The following PAPPA2 variants were observed in gnomAD, a reference collection of about 807,000 sequenced individuals.
The protein encoded by PAPPA2 is pappalysin 2, also known as pappalysin-2.
In PAPPA2, 86 loss-of-function variants were observed where a neutral mutation model predicts 176.4. The ratio of observed to expected loss-of-function variants is 0.49; its 90% CI spans 0.41 to 0.58. The LOEUF is 0.58. Among genes scored for constraint, PAPPA2 ranks in the 20% least tolerant of loss-of-function variants. The pLI is 0.00. For synonymous variants in PAPPA2, 809 were observed against 852.2 expected (o/e 0.95, Z 0.88); for missense variants, 2,073 against 2,256.9 (o/e 0.92, Z 1.65).
intron 4 of PAPPA2, among the ~76,000 whole-genome samples, chr1:176,689,068 A>G (rs1280621495): frequency 6.6e-6 from 1 of 152,202 alleles, no homozygotes; most frequent in Non-Finnish European, 1.5e-5. Flanking sequence ...GCTGGGCAGC[A>G]CAGCCAGGGG....
At chr1:176,472,276 T>G (rs1250273258) in intron 1 of PAPPA2, among the ~76,000 whole-genome samples, 1 of 152,226 alleles carries the variant, frequency 6.6e-6, no homozygotes, top group Non-Finnish European at 1.5e-5. Flanking sequence ...CTAATTATTA[T>G]GAACTCGTGT....
At chr1:176,579,724 C>T (rs1445582938) in intron 2 of PAPPA2, among the ~76,000 whole-genome samples, 3 of 152,128 alleles carry the variant, frequency 2.0e-5, no homozygotes, top group Non-Finnish European at 2.9e-5. Flanking sequence ...GTCAAATAGA[C>T]TTGGTTTTGA....
At chr1:176,805,928 C>T (rs758662025) in intron 21 of PAPPA2, among the ~76,000 whole-genome samples, 37 of 134,226 alleles carry the variant, frequency 2.8e-4, no homozygotes, top group Non-Finnish European at 3.8e-4. Flanking sequence ...GTTTAGGTTA[C>T]GGTGAACTAT....
chr1:176,531,669 C>A (rs1302523770), intron 1 of PAPPA2, among the ~76,000 whole-genome samples: 1 of 152,114 alleles, frequency 6.6e-6, no homozygotes, highest in South Asian at 2.1e-4. Flanking sequence ...ATGCTGAGGT[C>A]ACTGTTGAAC....
intron 21 of PAPPA2, among the ~76,000 whole-genome samples, chr1:176,809,460 C>A (rs577710526): frequency 6.6e-5 from 10 of 152,170 alleles, no homozygotes; most frequent in Non-Finnish European, 1.0e-4. Flanking sequence ...TCCTTGGATT[C>A]TTTCTTCTCT....
intron 14 of PAPPA2, among the ~76,000 whole-genome samples, chr1:176,762,651 C>G (rs546806966): frequency 2.0e-5 from 3 of 152,232 alleles, no homozygotes; most frequent in African/African-American, 7.2e-5. Flanking sequence ...ACTAGGAGTT[C>G]TTTAGAATCA....
intron 1 of PAPPA2, among the ~76,000 whole-genome samples, chr1:176,505,410 T>C (rs1453291848): frequency 1.3e-5 from 2 of 152,012 alleles, no homozygotes; most frequent in Admixed American, 1.3e-4. Context: ...GAGACAACTG[T>C]TTTTTGGAGT....
chr1:176,642,764 T>C (rs1197242962), intron 3 of PAPPA2, among the ~76,000 whole-genome samples: 1 of 151,916 alleles, frequency 6.6e-6, no homozygotes, highest in Non-Finnish European at 1.5e-5. Context: ...GGAGAAAGGA[T>C]CACTGTCAAG....
chr1:176,631,096 A>T lies in PAPPA2; in HGVS notation c.1991+35501A>T, dbSNP rs201240948. ...GAAACTGGAAAAAAGCAGAGGTGGA[A>T]GAAAGCTGGGAGGCTATGTAGTCCC... On this transcript the variant is annotated intron_variant, in intron 3 of 22. Coordinates refer to ENST00000367662, the MANE Select transcript of PAPPA2 (RefSeq NM_020318.3). 1.1e-4 allele frequency among the ~76,000 whole-genome samples: 16 copies of T among 152,328 alleles called. No individual in the cohort carries two copies. In the East Asian group the frequency reaches 2.7e-3, roughly 26 times the overall value.
At chr1:176,702,879 G>A (rs1660727860) in intron 9 of PAPPA2, 144 bp downstream of exon 9, 1 of 1,148,252 alleles carries the variant, frequency 8.7e-7, no homozygotes, top group Non-Finnish European at 1.2e-6. Flanking sequence ...AATGTAGGGA[G>A]CAAGGCACCA....
At chr1:176,620,271 T>C (rs1655510687) in intron 3 of PAPPA2, among the ~76,000 whole-genome samples, 1 of 152,130 alleles carries the variant, frequency 6.6e-6, no homozygotes, top group South Asian at 2.1e-4. Flanking sequence ...GATTTCAATA[T>C]ATACATTTTT....
chr1:176,817,620 C>A (rs188204458), intron 21 of PAPPA2, among the ~76,000 whole-genome samples: 48 of 151,838 alleles, frequency 3.2e-4, no homozygotes, highest in African/African-American at 1.1e-3. Context: ...GAAAGCTTTT[C>A]TTTTAAGATA....
chr1:176,746,992 C>T (rs1431887708), intron 14 of PAPPA2, among the ~76,000 whole-genome samples: 1 of 152,130 alleles, frequency 6.6e-6, no homozygotes, highest in Non-Finnish European at 1.5e-5. Flanking sequence ...CATAATTTTT[C>T]AGCTGAGGAA....
At chr1:176,596,800 G>A (rs1187895469) in intron 3 of PAPPA2, among the ~76,000 whole-genome samples, 6 of 152,166 alleles carry the variant, frequency 3.9e-5, no homozygotes, top group Admixed American at 6.5e-5. Flanking sequence ...CTCATTTGAC[G>A]GCTGTTGCAG....
At chr1:176,781,428 C>T (rs1398282773) in intron 17 of PAPPA2, among the ~76,000 whole-genome samples, 2 of 103,342 alleles carry the variant, frequency 1.9e-5, no homozygotes, top group Non-Finnish European at 3.5e-5. Context: ...TCTAATATGT[C>T]TTGTTGGATA....
At chr1:176,653,331 A>G (rs1226710409) in intron 3 of PAPPA2, among the ~76,000 whole-genome samples, 1 of 151,678 alleles carries the variant, frequency 6.6e-6, no homozygotes, top group Non-Finnish European at 1.5e-5. Context: ...CACTGTAATG[A>G]CACCAACCCT....
chr1:176,616,685 C>T, intron 3 of PAPPA2: 2 of 1,528,226 alleles, frequency 1.3e-6, no homozygotes, highest in Non-Finnish European at 1.8e-6. Flanking sequence ...TCTTAAGCTC[C>T]TCTATAAATT....
At chr1:176,490,315 G>A (rs1234092647) in intron 1 of PAPPA2, among the ~76,000 whole-genome samples, 3 of 152,158 alleles carry the variant, frequency 2.0e-5, no homozygotes, top group African/African-American at 7.2e-5. Context: ...AACAAGAAGT[G>A]TCAATTCAAA....
chr1:176,747,870 G>A (rs1662980504), intron 14 of PAPPA2, among the ~76,000 whole-genome samples: 1 of 152,162 alleles, frequency 6.6e-6, no homozygotes, highest in African/African-American at 2.4e-5. Flanking sequence ...CCAAAAGACT[G>A]TCAGACTGAG....
Sources: allele counts gnomAD v4.1 joint callset (sites outside exome capture counted in the v4.1 genomes callset), GRCh38; gene constraint gnomAD v4.1.1; transcripts MANE v1.5; gene names NCBI Gene and HGNC (gene_info 2026-07-23, HGNC 2026-07-21).